The following CALD1 variants were observed in gnomAD, a reference collection of about 807,000 sequenced individuals.
CALD1 encodes the protein caldesmon 1.
A neutral mutation model predicts 99.9 loss-of-function variants in CALD1; 33 were observed. That is an observed-to-expected ratio of 0.33 (90% confidence interval 0.25 to 0.44). CALD1 has a LOEUF of 0.44. Ranked by LOEUF, CALD1 falls within the 20% of genes least tolerant of loss-of-function variation. CALD1 has a pLI of 1.00. For missense variants in CALD1, 861 were observed against 962.1 expected (o/e 0.89, Z 1.39); for synonymous variants, 310 against 325.0 (o/e 0.95, Z 0.50).
At chr7:134,827,857 T>A (rs771854046) in intron 1 of CALD1, among the ~76,000 whole-genome samples, 1 of 152,210 alleles carries the variant, frequency 6.6e-6, no homozygotes, top group East Asian at 1.9e-4. Flanking sequence ...GAATCTGAAT[T>A]GGATATCCCC....
upstream of CALD1, among the ~76,000 whole-genome samples, chr7:134,743,906 T>C (rs1419815668): frequency 6.6e-6 from 1 of 152,212 alleles, no homozygotes; most frequent in Non-Finnish European, 1.5e-5. Context: ...TGAGGTCTAT[T>C]TTAGTATGAT....
At chr7:134,828,837 A>G (rs1009744742) in intron 1 of CALD1, among the ~76,000 whole-genome samples, 2 of 152,226 alleles carry the variant, frequency 1.3e-5, no homozygotes, top group Non-Finnish European at 2.9e-5. Context: ...CTTTTCATTT[A>G]GATTTATCAT....
At chr7:134,721,601 G>C in the CALD1 span, among the ~76,000 whole-genome samples, 8 of 152,098 alleles carry the variant, frequency 5.3e-5, no homozygotes, top group African/African-American at 1.7e-4. Context: ...AGGGGAGGTG[G>C]GGGGGTGAAG....
chr7:134,946,014 C>T (rs780366117), intron 7 of CALD1, among the ~76,000 whole-genome samples: 20 of 152,284 alleles, frequency 1.3e-4, no homozygotes, highest in Admixed American at 7.2e-4. Context: ...ACCTTTCTGT[C>T]TTCCCTCCTG....
intron 9 of CALD1, among the ~76,000 whole-genome samples, chr7:134,953,403 G>A (rs1218903026): frequency 6.6e-6 from 1 of 152,082 alleles, no homozygotes; most frequent in Non-Finnish European, 1.5e-5. Flanking sequence ...TTGAACCTGG[G>A]AGGCAGAGGT....
Position 134,837,963 on chromosome 7 carries a change from C to T in CALD1, c.-129-5921C>T, listed in dbSNP as rs78140878. On this transcript the variant is annotated intron_variant, in intron 1 of 14. Coordinates refer to ENST00000361675, the MANE Select transcript of CALD1 (RefSeq NM_033138.4). ...TCCATGCTGTTTTAATGGGAAAGAT[C>T]TATGTTCAATCCAACTGAATGATTT... Among the ~76,000 whole-genome samples the T allele has an allele frequency of 3.6e-3, 550 of 152,300 alleles. 5 individuals are homozygous for T. The highest frequency in any genetic ancestry group is 0.03 in the South Asian group (145 of 4,828).
intron 3 of CALD1, among the ~76,000 whole-genome samples, chr7:134,895,845 G>A (rs971874642): frequency 6.6e-6 from 1 of 152,036 alleles, no homozygotes; most frequent in Non-Finnish European, 1.5e-5. Flanking sequence ...TAACTTCCTG[G>A]TTCTCTCTGC....
At chr7:134,948,221 A>AT in intron 8 of CALD1, 1 of 155,782 alleles carries the variant, frequency 6.4e-6, no homozygotes, top group Non-Finnish European at 1.4e-5. Context: ...ATTTTTTTAA[A>AT]TCTTTTTTTT....
At chr7:134,715,446 A>G in the CALD1 span, among the ~76,000 whole-genome samples, 1 of 152,196 alleles carries the variant, frequency 6.6e-6, no homozygotes, top group African/African-American at 2.4e-5. Context: ...TTAACATGGG[A>G]AAGACCACGC....
intron 1 of CALD1, among the ~76,000 whole-genome samples, chr7:134,771,532 A>C (rs552519945): frequency 6.6e-6 from 1 of 152,276 alleles, no homozygotes; most frequent in African/African-American, 2.4e-5. Flanking sequence ...GCCCTAGCCC[A>C]CAACAGCACC....
chr7:134,756,773 C>G (rs1368460684), intron 1 of CALD1, among the ~76,000 whole-genome samples: 19 of 152,024 alleles, frequency 1.2e-4, no homozygotes, highest in Admixed American at 1.2e-3. Flanking sequence ...AAAATTAATT[C>G]ATATATCTTT....
chr7:134,929,426 A>G (rs1805317897), intron 4 of CALD1, among the ~76,000 whole-genome samples: 1 of 150,982 alleles, frequency 6.6e-6, no homozygotes, highest in Admixed American at 6.6e-5. Flanking sequence ...CCCAGTGTCC[A>G]TTATATCACT....
chr7:134,816,903 T>A (rs1420047539), intron 1 of CALD1, among the ~76,000 whole-genome samples: 1 of 152,188 alleles, frequency 6.6e-6, no homozygotes, highest in East Asian at 1.9e-4. Flanking sequence ...GTTTCCTTCC[T>A]GGCTTTATTA....
chr7:134,903,852 G>T (rs1803175551), intron 3 of CALD1, among the ~76,000 whole-genome samples: 2 of 152,108 alleles, frequency 1.3e-5, no homozygotes, highest in Admixed American at 1.3e-4. Flanking sequence ...TTTTTTGGAG[G>T]ACACAACTGA....
intron 3 of CALD1, among the ~76,000 whole-genome samples, chr7:134,876,142 C>T (rs1801338667): frequency 6.6e-6 from 1 of 152,236 alleles, no homozygotes; most frequent in South Asian, 2.1e-4. Flanking sequence ...TGCACATATG[C>T]ACCCACCAAA....
At chr7:134,929,985 T>C (rs955089227) in intron 4 of CALD1, among the ~76,000 whole-genome samples, 10 of 152,082 alleles carry the variant, frequency 6.6e-5, no homozygotes, top group African/African-American at 2.4e-4. Flanking sequence ...GAGTCCTCCA[T>C]GGCTACCATT....
At chr7:134,927,378 T>A (rs1326596454) in intron 3 of CALD1, among the ~76,000 whole-genome samples, 1 of 150,322 alleles carries the variant, frequency 6.7e-6, no homozygotes, top group Admixed American at 6.6e-5. Context: ...TGAAACACCA[T>A]CTCTTAAAAA....
rs765513603 is a variant in CALD1 at position 134,933,017 on chromosome 7, C to A, written c.248C>A (p.Thr83Asn). Residue 83 changes from threonine to asparagine, a missense_variant, in exon 5 of 15, where the codon ACC becomes AAC. By Grantham distance (65) the Thr-to-Asn change is moderately conservative. This residue lies in a region of CALD1 where 123 missense variants were observed against 169.8 expected (regional missense o/e 0.72). Coordinates refer to ENST00000361675, the MANE Select transcript of CALD1 (RefSeq NM_033138.4). ...CCTGACGAGGAGGCCAAGACAACCA[C>A]CACAAACACTCAAGTGGAAGGGGAT... ...SVPDEEAKTTTTNTQVEGDDE... is the reference protein window; with the variant it reads ...SVPDEEAKTTNTNTQVEGDDE... The A allele has an allele frequency of 2.5e-6, 4 of 1,612,088 alleles. No individual in the cohort carries two copies. In the South Asian group the frequency reaches 3.3e-5, roughly 13 times the overall value.
intron 3 of CALD1, among the ~76,000 whole-genome samples, chr7:134,895,292 A>ATATG (rs1446359485): frequency 7.5e-6 from 1 of 133,496 alleles, no homozygotes; most frequent in Non-Finnish European, 1.6e-5. Context: ...TTGGTTTTAT[A>ATATG]TATGTATGTG....
Sources: gnomAD v4.1 joint callset for allele counts (sites outside exome capture counted in the v4.1 genomes callset) on GRCh38, gnomAD v4.1.1 for gene constraint, gnomAD v4.1.1 regional missense constraint, MANE v1.5 for transcripts, NCBI Gene and HGNC (gene_info 2026-07-23, HGNC 2026-07-21) for gene names.